C12orf42: variants seen among roughly 807,000 people sequenced by gnomAD.
The protein encoded by C12orf42 is chromosome 12 open reading frame 42.
Under a neutral mutation model 21.6 loss-of-function variants are expected in C12orf42, and 25 were observed. The observed-to-expected ratio is 1.16, with a 90% CI of 0.84 to 1.62. The LOEUF is 1.62. Among genes scored for constraint, C12orf42 ranks in the 40% most tolerant of loss-of-function variants. The pLI is 0.00. For synonymous variants in C12orf42, 174 were observed against 175.0 expected (o/e 0.99, Z 0.05); for missense variants, 483 against 459.3 (o/e 1.05, Z -0.47).
chr12:103,327,964 A>G (rs1341321926), intron 4 of C12orf42, among the ~76,000 whole-genome samples: 1 of 152,196 alleles, frequency 6.6e-6, no homozygotes. Flanking sequence ...TTTGCACTGA[A>G]AATTCCAGGA....
At chr12:103,519,285 G>A in the C12orf42 span, among the ~76,000 whole-genome samples, 1 of 152,020 alleles carries the variant, frequency 6.6e-6, no homozygotes, top group African/African-American at 2.4e-5. Context: ...CTTTATAGCA[G>A]TATGAAAATG....
At chr12:103,120,461 G>A in the C12orf42 span, among the ~76,000 whole-genome samples, 2 of 152,174 alleles carry the variant, frequency 1.3e-5, no homozygotes, top group African/African-American at 4.8e-5. Context: ...TGTGGGAAGT[G>A]ATCAAGAGCA....
At chr12:103,332,361 A>G (rs1455161915) in intron 4 of C12orf42, among the ~76,000 whole-genome samples, 1 of 152,198 alleles carries the variant, frequency 6.6e-6, no homozygotes, top group Non-Finnish European at 1.5e-5. Flanking sequence ...AGGGTGGTAC[A>G]ATTGGGTGTT....
intron 2 of C12orf42, among the ~76,000 whole-genome samples, chr12:103,475,552 A>G (rs1028333918): frequency 3.9e-5 from 6 of 152,224 alleles, no homozygotes; most frequent in African/African-American, 1.2e-4. Context: ...CAGTTCCAGA[A>G]TCTAAATTCA....
chr12:103,122,483 C>T, the C12orf42 span, among the ~76,000 whole-genome samples: 17 of 152,042 alleles, frequency 1.1e-4, no homozygotes, highest in African/African-American at 3.9e-4. Context: ...CAGGAGTAAA[C>T]CAGACAGAAA....
the C12orf42 span, among the ~76,000 whole-genome samples, chr12:103,129,072 G>A: frequency 1.3e-5 from 2 of 152,158 alleles, no homozygotes; most frequent in Non-Finnish European, 2.9e-5. Flanking sequence ...AGTCATCAGT[G>A]TTCTCAGCAA....
chr12:103,491,568 C>T (rs1234379187), intron 1 of C12orf42, among the ~76,000 whole-genome samples: 1 of 152,228 alleles, frequency 6.6e-6, no homozygotes, highest in Non-Finnish European at 1.5e-5. Context: ...TCTGGCTTCT[C>T]CTTTTGCTTC....
At chr12:103,159,472 T>A in the C12orf42 span, 2 of 152,246 alleles carry the variant, frequency 1.3e-5, no homozygotes, top group Non-Finnish European at 2.9e-5. Context: ...GCTTCCAGTC[T>A]TGTCACTAAT....
the C12orf42 span, among the ~76,000 whole-genome samples, chr12:103,514,914 A>T: frequency 6.6e-6 from 1 of 152,184 alleles, no homozygotes. Flanking sequence ...CTCAGAGACC[A>T]TTTTGCCCCC....
the C12orf42 span, among the ~76,000 whole-genome samples, chr12:103,147,510 T>C: frequency 5.4e-5 from 8 of 148,812 alleles, no homozygotes; most frequent in Non-Finnish European, 1.0e-4. Flanking sequence ...TTTCTTTTTT[T>C]TTTTTTTTTT....
rs181376857 is a variant in C12orf42 at position 103,479,200 on chromosome 12, A to G, written c.-21-753T>C. ...CCAATAAATTGTTTTAAAAGATCTC[A>G]GAATAGAAAGACCTAATCTCTAAGT... is the stretch of plus-strand genomic sequence containing the variant. On this transcript the variant is annotated intron_variant, in intron 1 of 5. Coordinates refer to ENST00000548883, the MANE Select transcript of C12orf42 (RefSeq NM_198521.5). Among the ~76,000 whole-genome samples, 139 of 152,278 alleles carry G rather than the reference A, an allele frequency of 9.1e-4. 1 individual carries two copies. Among genetic ancestry groups the G allele is most frequent in the Non-Finnish European group, 1.7e-3 (113 of 67,986 alleles).
the C12orf42 span, among the ~76,000 whole-genome samples, chr12:103,181,945 C>T: frequency 6.6e-6 from 1 of 152,172 alleles, no homozygotes; most frequent in Admixed American, 6.5e-5. Flanking sequence ...TCTCATTTTG[C>T]CACCATGTCA....
chr12:103,192,811 C>A, the C12orf42 span, among the ~76,000 whole-genome samples: 1 of 152,148 alleles, frequency 6.6e-6, no homozygotes, highest in Admixed American at 6.5e-5. Context: ...ACTTCAATAT[C>A]CCCCTTGAAA....
chr12:103,156,703 C>T, the C12orf42 span, among the ~76,000 whole-genome samples: 2 of 152,116 alleles, frequency 1.3e-5, no homozygotes, highest in Non-Finnish European at 2.9e-5. Context: ...TCAACTCCCA[C>T]TTATGAGTGA....
chr12:103,302,624 C>T (rs532691207), intron 5 of C12orf42, 65 bp from the exon 6 acceptor site: 4 of 1,357,640 alleles, frequency 2.9e-6, no homozygotes, highest in South Asian at 1.4e-5. Context: ...ACACCGCACC[C>T]CCGCGACAAC....
chr12:103,289,169 G>A (rs191444835), intron 4 of C12orf42, among the ~76,000 whole-genome samples: 5 of 152,258 alleles, frequency 3.3e-5, no homozygotes, highest in Admixed American at 3.3e-4. Flanking sequence ...TGCCTGAAGA[G>A]AAGTCCTCTA....
the C12orf42 span, among the ~76,000 whole-genome samples, chr12:103,184,269 C>A: frequency 6.6e-6 from 1 of 152,046 alleles, no homozygotes; most frequent in African/African-American, 2.4e-5. Context: ...TTATGTTTTC[C>A]TGATGGACTA....
intron 4 of C12orf42, among the ~76,000 whole-genome samples, chr12:103,350,124 T>C (rs1028830966): frequency 1.3e-5 from 2 of 152,198 alleles, no homozygotes; most frequent in Non-Finnish European, 2.9e-5. Flanking sequence ...CATTATTTCT[T>C]CATATACAGA....
In C12orf42 at chr12:103,445,128, C is replaced by T. The variant is rs375195280; in HGVS notation, c.78+33221G>A. Among the ~76,000 whole-genome samples the T allele has an allele frequency of 5.3e-5, 8 of 151,956 alleles. No homozygotes were observed. In the South Asian group the frequency reaches 1.0e-3, roughly 20 times the overall value. On this transcript the variant is annotated intron_variant, in intron 2 of 5. Transcript: ENST00000548883. ...CCCCATACCGTCTCTCAGGGGTAGA[C>T]GCTATGTGAGTTTGTTCCTTATCAT...
Sources: allele counts gnomAD v4.1 joint callset (sites outside exome capture counted in the v4.1 genomes callset), GRCh38; gene constraint gnomAD v4.1.1; transcripts MANE v1.5; gene names NCBI Gene and HGNC (gene_info 2026-07-23, HGNC 2026-07-21).